CALN1: variants seen among roughly 807,000 people sequenced by gnomAD.
CALN1 encodes the protein calneuron 1, also known as calcium-binding protein 8.
A neutral mutation model predicts 30.6 loss-of-function variants in CALN1; 17 were observed. That is an observed-to-expected ratio of 0.56 (90% CI 0.38 to 0.83). The LOEUF is 0.83. CALN1 is among the 40% of genes least tolerant of loss of function. The pLI is 0.00. For synonymous variants in CALN1, 156 were observed against 131.4 expected (o/e 1.19, Z -1.28); for missense variants, 291 against 354.9 (o/e 0.82, Z 1.45).
intron 4 of CALN1, among the ~76,000 whole-genome samples, chr7:72,079,023 C>T (rs1356069752): frequency 6.6e-6 from 1 of 152,188 alleles, no homozygotes; most frequent in Admixed American, 6.5e-5. Flanking sequence ...TCCTGTTGAG[C>T]ACTTGCTTTA....
At chr7:71,971,202 G>A (rs149216763) in intron 5 of CALN1, among the ~76,000 whole-genome samples, 1,541 of 152,160 alleles carry the variant, frequency 0.01, 16 homozygotes, top group Non-Finnish European at 0.015. Context: ...TAATCCCAGC[G>A]CTTTGGGAGG....
chr7:72,150,936 A>C lies in CALN1; in HGVS notation c.245-44642T>G, dbSNP rs1025408655. Among the ~76,000 whole-genome samples, 25 of 151,704 alleles carry C rather than the reference A, an allele frequency of 1.6e-4. 1 individual carries two copies. Among genetic ancestry groups the C allele is most frequent in the Non-Finnish European group, 5.9e-5 (4 of 67,830 alleles). On this transcript the variant is annotated intron_variant, in intron 3 of 6. Coordinates refer to ENST00000395275, the MANE Select transcript of CALN1 (RefSeq NM_031468.4). ...GATGACACTGTTGTCATGAGCCTGC[A>C]TCATGAGGCTGTTCACAATGACAAA...
chr7:71,838,626 T>A (rs571176254), intron 5 of CALN1, among the ~76,000 whole-genome samples: 1 of 152,188 alleles, frequency 6.6e-6, no homozygotes, highest in Non-Finnish European at 1.5e-5. Context: ...AATTCTCATC[T>A]TGAATTGTAG....
chr7:72,166,451 A>G (rs966293727), intron 3 of CALN1, among the ~76,000 whole-genome samples: 2 of 152,168 alleles, frequency 1.3e-5, no homozygotes, highest in Admixed American at 1.3e-4. Context: ...CAGCCCCCTC[A>G]AAGTGCTGGG....
At chr7:71,857,956 G>C (rs1190025139) in intron 5 of CALN1, among the ~76,000 whole-genome samples, 1 of 152,108 alleles carries the variant, frequency 6.6e-6, no homozygotes, top group East Asian at 1.9e-4. Context: ...GCAGAATCCT[G>C]GCACTTAAGA....
At chr7:72,258,234 A>T (rs1796043680) in intron 3 of CALN1, among the ~76,000 whole-genome samples, 1 of 152,172 alleles carries the variant, frequency 6.6e-6, no homozygotes. Flanking sequence ...GCAAGAAGTC[A>T]AGCTCCTTAT....
chr7:72,269,120 T>C lies in CALN1; in HGVS notation c.244+9566A>G, dbSNP rs150859340. ...GGTAGGACAGGAGAGAGAAGAACACTATGCAGAGAGGGAACATCAGAAGCC... is the reference window on the plus strand; with the variant it reads ...GGTAGGACAGGAGAGAGAAGAACACCATGCAGAGAGGGAACATCAGAAGCC... On this transcript the variant is annotated intron_variant, in intron 3 of 6. Transcript: ENST00000395275. Among the ~76,000 whole-genome samples, 15 of 152,218 alleles carry C rather than the reference T, an allele frequency of 9.9e-5. No homozygotes were observed. The East Asian group carries it at 2.9e-3, about 29-fold the overall frequency.
At chr7:72,411,199 T>C (rs1321981163) in intron 1 of CALN1, among the ~76,000 whole-genome samples, 2 of 152,102 alleles carry the variant, frequency 1.3e-5, no homozygotes, top group South Asian at 2.1e-4. Flanking sequence ...TTCCTTAAAA[T>C]AGAAAATGAA....
intron 6 of CALN1, 139 bp downstream of exon 6, chr7:71,810,197 A>T: frequency 1.2e-6 from 1 of 824,908 alleles, no homozygotes; most frequent in Non-Finnish European, 1.8e-6. Flanking sequence ...AAAGATCTTT[A>T]ACCTCAGTCC....
At chr7:72,114,031 G>T (rs1807763361) in intron 3 of CALN1, among the ~76,000 whole-genome samples, 1 of 151,574 alleles carries the variant, frequency 6.6e-6, no homozygotes, top group Non-Finnish European at 1.5e-5. Context: ...AGATAGAGTG[G>T]ATGGTGCTCA....
At chr7:72,339,443 C>T (rs1802281473) in intron 2 of CALN1, among the ~76,000 whole-genome samples, 1 of 152,114 alleles carries the variant, frequency 6.6e-6, no homozygotes, top group Non-Finnish European at 1.5e-5. Flanking sequence ...AGCATGAAAA[C>T]ACAGAAAAAT....
At chr7:72,272,202 G>A (rs1283941724) in intron 3 of CALN1, among the ~76,000 whole-genome samples, 1 of 152,170 alleles carries the variant, frequency 6.6e-6, no homozygotes, top group Admixed American at 6.5e-5. Flanking sequence ...AAGGATGGCA[G>A]TCTGGTATTC....
chr7:72,270,635 T>C (rs966025705), intron 3 of CALN1, among the ~76,000 whole-genome samples: 10 of 151,508 alleles, frequency 6.6e-5, no homozygotes, highest in Non-Finnish European at 1.0e-4. Flanking sequence ...ATTTAGCAGG[T>C]GTGGTGACAC....
chr7:71,896,091 C>T (rs1247880323), intron 5 of CALN1, among the ~76,000 whole-genome samples: 1 of 152,182 alleles, frequency 6.6e-6, no homozygotes, highest in African/African-American at 2.4e-5. Context: ...CTACAAAGGG[C>T]ACCAATTATT....
At chr7:71,961,033 T>C (rs1695605225) in intron 5 of CALN1, among the ~76,000 whole-genome samples, 2 of 152,196 alleles carry the variant, frequency 1.3e-5, no homozygotes, top group South Asian at 4.1e-4. Flanking sequence ...CCCAGGCTGG[T>C]CTTGAACTCC....
chr7:71,800,747 G>C (rs115051907), intron 6 of CALN1, among the ~76,000 whole-genome samples: 2,426 of 152,092 alleles, frequency 0.016, 69 homozygotes, highest in African/African-American at 0.057. Context: ...AAGAGGCCAG[G>C]GCTGGGCATT....
intron 2 of CALN1, among the ~76,000 whole-genome samples, chr7:72,394,009 G>C (rs1030498257): frequency 1.3e-5 from 2 of 152,200 alleles, no homozygotes; most frequent in Admixed American, 6.5e-5. Flanking sequence ...AATGGATCCT[G>C]AGTGAACAGA....
the CALN1 span, among the ~76,000 whole-genome samples, chr7:72,487,762 GGT>G: frequency 1.8e-3 from 177 of 98,082 alleles, no homozygotes; most frequent in Middle Eastern, 0.012. Context: ...AGGAAGGAAG[GGT>G]AAAGAAAGAA....
chr7:71,952,781 G>A (rs1017642193), intron 5 of CALN1, among the ~76,000 whole-genome samples: 2 of 151,926 alleles, frequency 1.3e-5, no homozygotes, highest in African/African-American at 4.8e-5. Context: ...TGCTCTTGTC[G>A]GCTCGGCCCC....
Sources: gnomAD v4.1 joint callset for allele counts (sites outside exome capture counted in the v4.1 genomes callset) on GRCh38, gnomAD v4.1.1 for gene constraint, MANE v1.5 for transcripts, NCBI Gene and HGNC (gene_info 2026-07-23, HGNC 2026-07-21) for gene names.